Variants in POU6F2 observed in about 807,000 individuals in gnomAD.
POU6F2 encodes POU domain, class 6, transcription factor 2.
In POU6F2, 31 loss-of-function variants were observed where a neutral mutation model predicts 71.3. The observed-to-expected ratio is 0.43, with a 90% CI of 0.33 to 0.59. POU6F2 has a LOEUF of 0.59. Among genes scored for constraint, POU6F2 ranks in the 20% least tolerant of loss-of-function variants. The probability of loss-of-function intolerance (pLI) is 0.04; values close to 1 mark genes in which losing one functional copy is unlikely to be tolerated. For missense variants in POU6F2, 783 were observed against 856.8 expected, an observed-to-expected ratio of 0.91 and a Z score of 1.07; for synonymous variants, 347 against 355.7, an observed-to-expected ratio of 0.98 and a Z score of 0.27.
intron 4 of POU6F2, among the ~76,000 whole-genome samples, chr7:39,296,430 TCTC>T (rs1784845021): frequency 6.6e-6 from 1 of 152,262 alleles, no homozygotes; most frequent in Non-Finnish European, 1.5e-5. Flanking sequence ...TACCATCCCT[TCTC>T]CTCTTCCTCT....
intron 4 of POU6F2, among the ~76,000 whole-genome samples, chr7:39,267,670 A>C (rs1195331379): frequency 6.6e-6 from 1 of 151,232 alleles, no homozygotes; most frequent in Non-Finnish European, 1.5e-5. Flanking sequence ...AGGTCTTGCT[A>C]TGTTTCCCAG....
intron 2 of POU6F2, among the ~76,000 whole-genome samples, chr7:39,185,429 ACC>A (rs763322671): frequency 5.3e-5 from 8 of 152,140 alleles, no homozygotes; most frequent in Non-Finnish European, 1.0e-4. Flanking sequence ...GTTTTTACAA[ACC>A]CTGAAATATA....
At chr7:39,393,477 A>G (rs1175847155) in intron 5 of POU6F2, among the ~76,000 whole-genome samples, 2 of 152,202 alleles carry the variant, frequency 1.3e-5, no homozygotes, top group Non-Finnish European at 2.9e-5. Context: ...AGGGCTGCTT[A>G]CAGACACCCA....
intron 6 of POU6F2, among the ~76,000 whole-genome samples, chr7:39,422,355 A>T (rs909211765): frequency 7.9e-5 from 12 of 152,316 alleles, no homozygotes; most frequent in African/African-American, 2.6e-4. Flanking sequence ...TAAGTGAGGA[A>T]AAAAGAATAA....
chr7:39,452,538 G>A (rs1183416554), intron 8 of POU6F2, among the ~76,000 whole-genome samples: 3 of 152,184 alleles, frequency 2.0e-5, no homozygotes, highest in Non-Finnish European at 4.4e-5. Context: ...GCCATAAAAT[G>A]AGGACATGTG....
chr7:39,418,025 T>A (rs7792157), intron 6 of POU6F2, among the ~76,000 whole-genome samples: 1 of 152,042 alleles, frequency 6.6e-6, no homozygotes, highest in South Asian at 2.1e-4. Flanking sequence ...ATATTACTTT[T>A]TCTTTACTAC....
intron 4 of POU6F2, among the ~76,000 whole-genome samples, chr7:39,270,413 C>T (rs892175348): frequency 1.3e-5 from 2 of 152,134 alleles, no homozygotes; most frequent in Non-Finnish European, 2.9e-5. Flanking sequence ...ATGTGATAGG[C>T]GACTTGAATC....
At chr7:39,098,210 T>TA (rs1234639501) in intron 2 of POU6F2, among the ~76,000 whole-genome samples, 1 of 152,024 alleles carries the variant, frequency 6.6e-6, no homozygotes, top group African/African-American at 2.4e-5. Flanking sequence ...TTTATTTACT[T>TA]ACGTTTTTAC....
chr7:39,289,746 A>T (rs558063276), intron 4 of POU6F2, among the ~76,000 whole-genome samples: 8 of 152,330 alleles, frequency 5.3e-5, no homozygotes, highest in Non-Finnish European at 1.0e-4. Flanking sequence ...GTAGTCGATT[A>T]AAACAAATAC....
At chr7:39,003,983 A>T (rs1788986861) in intron 1 of POU6F2, among the ~76,000 whole-genome samples, 1 of 152,196 alleles carries the variant, frequency 6.6e-6, no homozygotes, top group Non-Finnish European at 1.5e-5. Flanking sequence ...AGGTTTGGAG[A>T]ATCATGTTTT....
chr7:39,230,140 G>C (rs889956915), intron 4 of POU6F2, among the ~76,000 whole-genome samples: 5 of 152,280 alleles, frequency 3.3e-5, no homozygotes, highest in African/African-American at 1.2e-4. Flanking sequence ...AGGTTTACCT[G>C]CTACTGGTTT....
intron 2 of POU6F2, among the ~76,000 whole-genome samples, chr7:39,201,407 A>C (rs1793899727): frequency 6.6e-6 from 1 of 152,270 alleles, no homozygotes; most frequent in Non-Finnish European, 1.5e-5. Flanking sequence ...TTTATGTTAA[A>C]CAACAGTGAG....
At chr7:39,074,969 C>T (rs1584529580) in intron 1 of POU6F2, among the ~76,000 whole-genome samples, 2 of 152,142 alleles carry the variant, frequency 1.3e-5, no homozygotes, top group South Asian at 4.2e-4. Context: ...AATGAAGGCT[C>T]AGAGAACTGT....
At chr7:39,463,951 C>T (rs1562562532) in intron 9 of POU6F2, among the ~76,000 whole-genome samples, 1 of 152,172 alleles carries the variant, frequency 6.6e-6, no homozygotes, top group Non-Finnish European at 1.5e-5. Context: ...GCTCATGCAT[C>T]CTGCTGTCTC....
chr7:39,167,474 C>G (rs980782293), intron 2 of POU6F2, among the ~76,000 whole-genome samples: 6 of 151,974 alleles, frequency 3.9e-5, no homozygotes, highest in African/African-American at 1.4e-4. Context: ...TTTCTATGAA[C>G]ATTGTATGGA....
At chr7:39,341,844 G>T (rs1785923621) in intron 5 of POU6F2, among the ~76,000 whole-genome samples, 1 of 152,262 alleles carries the variant, frequency 6.6e-6, no homozygotes, top group Admixed American at 6.5e-5. Context: ...CCTGTTGAAT[G>T]ACTGTTGACA....
intron 1 of POU6F2, among the ~76,000 whole-genome samples, chr7:39,016,131 A>G (rs1266272727): frequency 2.6e-5 from 3 of 115,496 alleles, no homozygotes; most frequent in Non-Finnish European, 5.0e-5. Context: ...TATCTATATT[A>G]TACATTATAT....
intron 1 of POU6F2, among the ~76,000 whole-genome samples, chr7:39,069,421 T>C (rs564120604): frequency 1.1e-4 from 16 of 152,282 alleles, no homozygotes; most frequent in South Asian, 2.1e-4. Context: ...GCAGGTGATA[T>C]TCATTTTCTG....
intron 1 of POU6F2, among the ~76,000 whole-genome samples, chr7:39,059,829 T>A (rs1018249477): frequency 6.6e-6 from 1 of 152,194 alleles, no homozygotes; most frequent in Non-Finnish European, 1.5e-5. Flanking sequence ...AGTCATACAA[T>A]GAAATATTAT....
Sources: gnomAD v4.1 joint callset for allele counts (sites outside exome capture counted in the v4.1 genomes callset) on GRCh38, gnomAD v4.1.1 for gene constraint, MANE v1.5 for transcripts, NCBI Gene and HGNC (gene_info 2026-07-23, HGNC 2026-07-21) for gene names.